BMPR1B: variants seen among roughly 807,000 people sequenced by gnomAD.
BMPR1B encodes the protein bone morphogenetic protein receptor type-1B.
In BMPR1B, 12 loss-of-function variants were observed where a neutral mutation model predicts 59.1. The ratio of observed to expected loss-of-function variants is 0.20; its 90% CI spans 0.13 to 0.33. The LOEUF (loss-of-function observed/expected upper bound fraction) is 0.33, where lower values mean the gene tolerates loss of function less well. BMPR1B is among the 10% of genes least tolerant of loss of function. BMPR1B has a pLI of 1.00. For missense variants in BMPR1B, 550 were observed against 610.9 expected (o/e 0.90, Z 1.05); for synonymous variants, 237 against 207.3 (o/e 1.14, Z -1.23).
intron 3 of BMPR1B, among the ~76,000 whole-genome samples, chr4:95,097,183 CAT>C (rs1458514451): frequency 1.3e-5 from 2 of 148,274 alleles, no homozygotes; most frequent in East Asian, 2.0e-4. Context: ...GTGAACCACA[CAT>C]GTGTAGTGTC....
intron 10 of BMPR1B, among the ~76,000 whole-genome samples, chr4:95,138,546 A>G (rs1287275954): frequency 2.7e-5 from 4 of 148,152 alleles, no homozygotes; most frequent in Admixed American, 6.6e-5. Context: ...AGGTACACCA[A>G]TCAGACGTAG....
At chr4:94,873,753 AT>A (rs1726600487) in intron 1 of BMPR1B, among the ~76,000 whole-genome samples, 1 of 152,146 alleles carries the variant, frequency 6.6e-6, no homozygotes, top group Non-Finnish European at 1.5e-5. Flanking sequence ...TATGTGTCTT[AT>A]TGCGTTTAAA....
chr4:94,897,538 AAGTT>A (rs1338244771), intron 2 of BMPR1B, among the ~76,000 whole-genome samples: 4 of 151,980 alleles, frequency 2.6e-5, no homozygotes, highest in Non-Finnish European at 5.9e-5. Context: ...AATAAAGAAA[AAGTT>A]AGCTATAATC....
chr4:95,081,824 C>T (rs774702101), intron 3 of BMPR1B, among the ~76,000 whole-genome samples: 1 of 152,158 alleles, frequency 6.6e-6, no homozygotes, highest in Non-Finnish European at 1.5e-5. Flanking sequence ...ATGTCAATCA[C>T]AACAACATGC....
chr4:94,777,048 A>T (rs572682512), intron 1 of BMPR1B, among the ~76,000 whole-genome samples: 83 of 152,294 alleles, frequency 5.4e-4, no homozygotes, highest in African/African-American at 1.9e-3. Flanking sequence ...AATGACTGGA[A>T]ATACTCATTT....
intron 2 of BMPR1B, among the ~76,000 whole-genome samples, chr4:94,922,913 C>G (rs1163808153): frequency 6.6e-6 from 1 of 152,098 alleles, no homozygotes; most frequent in Non-Finnish European, 1.5e-5. Flanking sequence ...CATTTCTTCT[C>G]TAGGTTGTAC....
chr4:95,137,053 T>A (rs973004548), intron 10 of BMPR1B, among the ~76,000 whole-genome samples: 1 of 152,212 alleles, frequency 6.6e-6, no homozygotes, highest in Non-Finnish European at 1.5e-5. Flanking sequence ...CATTTAGTGC[T>A]ATGAATTTCC....
At chr4:95,002,998 A>T (rs753594241) in intron 3 of BMPR1B, among the ~76,000 whole-genome samples, 28 of 151,770 alleles carry the variant, frequency 1.8e-4, no homozygotes, top group East Asian at 5.8e-4. Flanking sequence ...CCTTTATTTA[A>T]AAAAAAATTA....
At chr4:94,856,547 T>C (rs984654394) in intron 1 of BMPR1B, among the ~76,000 whole-genome samples, 1 of 152,168 alleles carries the variant, frequency 6.6e-6, no homozygotes, top group Non-Finnish European at 1.5e-5. Flanking sequence ...ATTAACAATA[T>C]GTAACAAGAA....
intron 2 of BMPR1B, among the ~76,000 whole-genome samples, chr4:94,930,600 T>A (rs1011805360): frequency 6.6e-6 from 1 of 152,106 alleles, no homozygotes; most frequent in Non-Finnish European, 1.5e-5. Flanking sequence ...GATTAATGAA[T>A]AACCAAACTA....
intron 1 of BMPR1B, among the ~76,000 whole-genome samples, chr4:94,796,105 C>T (rs1723183293): frequency 6.6e-6 from 1 of 151,946 alleles, no homozygotes; most frequent in Non-Finnish European, 1.5e-5. Context: ...GCTGGGATTA[C>T]AGGTATGCCG....
At chr4:95,129,710 T>A in intron 8 of BMPR1B, 152 bp from the exon 9 acceptor site, 1 of 703,828 alleles carries the variant, frequency 1.4e-6, no homozygotes, top group South Asian at 2.0e-5. Context: ...TAACATAAAT[T>A]AATAAATAAA....
At chr4:94,912,182 T>A (rs1728301244) in intron 2 of BMPR1B, among the ~76,000 whole-genome samples, 1 of 152,060 alleles carries the variant, frequency 6.6e-6, no homozygotes, top group Non-Finnish European at 1.5e-5. Flanking sequence ...GATTGAATTA[T>A]CTCCCACCGG....
At chr4:95,000,248 ATC>A (rs10571206) in intron 3 of BMPR1B, among the ~76,000 whole-genome samples, 145,431 of 152,134 alleles carry the variant, frequency 0.96, 69,543 homozygotes, top group Middle Eastern at 0.99. Context: ...CTTGAATTGT[ATC>A]TCTGTCTTAG....
intron 2 of BMPR1B, among the ~76,000 whole-genome samples, chr4:94,981,617 G>C (rs1353408753): frequency 1.3e-5 from 2 of 152,080 alleles, no homozygotes; most frequent in South Asian, 2.1e-4. Flanking sequence ...GATGATTTCA[G>C]CTGTTAAAAA....
At chr4:95,119,138 A>G (rs964104275) in intron 6 of BMPR1B, among the ~76,000 whole-genome samples, 3 of 152,326 alleles carry the variant, frequency 2.0e-5, no homozygotes, top group South Asian at 4.1e-4. Flanking sequence ...CTGATAATAT[A>G]TTGACATTAT....
At chr4:94,882,141 T>A (rs973297793) in intron 2 of BMPR1B, among the ~76,000 whole-genome samples, 1 of 152,280 alleles carries the variant, frequency 6.6e-6, no homozygotes, top group African/African-American at 2.4e-5. Context: ...TTTTTCTTTT[T>A]TTTTCCATGG....
chr4:95,091,442 T>C (rs1437250063), intron 3 of BMPR1B: 3 of 984,908 alleles, frequency 3.0e-6, no homozygotes, highest in South Asian at 4.7e-5. Context: ...ACAGCTGAGC[T>C]GTATTAGGCA....
At chr4:95,068,918 C>T (rs924581056) in intron 3 of BMPR1B, among the ~76,000 whole-genome samples, 1 of 152,130 alleles carries the variant, frequency 6.6e-6, no homozygotes, top group African/African-American at 2.4e-5. Flanking sequence ...GAAACTGGCA[C>T]TTTAAGCAAA....
Sources: gnomAD v4.1 joint callset for allele counts (sites outside exome capture counted in the v4.1 genomes callset) on GRCh38, gnomAD v4.1.1 for gene constraint, MANE v1.5 for transcripts, NCBI Gene and HGNC (gene_info 2026-07-23, HGNC 2026-07-21) for gene names.